RDX: variants seen among roughly 807,000 people sequenced by gnomAD.
RDX encodes the protein deafness, autosomal recessive 24.
In RDX, 32 loss-of-function variants were observed where a neutral mutation model predicts 83.7. The observed-to-expected ratio is 0.38, with a 90% CI of 0.29 to 0.51. The LOEUF is 0.51. RDX is among the 20% of genes least tolerant of loss of function. The probability of loss-of-function intolerance (pLI) is 0.87; values close to 1 mark genes in which losing one functional copy is unlikely to be tolerated. For missense variants in RDX, 600 were observed against 689.9 expected, an observed-to-expected ratio of 0.87 and a Z score of 1.46; for synonymous variants, 229 against 222.7, an observed-to-expected ratio of 1.03 and a Z score of -0.25.
intron 9 of RDX, 38 bp downstream of exon 9, chr11:110,253,908 T>A (rs771397616): frequency 4.2e-5 from 66 of 1,589,070 alleles, no homozygotes; most frequent in Non-Finnish European, 5.7e-5. Flanking sequence ...GATAGCCTAC[T>A]CCTATCAATT....
At chr11:110,209,091 T>C (rs567484097) in intron 14 of RDX, among the ~76,000 whole-genome samples, 3 of 152,210 alleles carry the variant, frequency 2.0e-5, no homozygotes, top group Admixed American at 2.0e-4. Context: ...TTCATCTCAC[T>C]AGGGAGTGCC....
chr11:110,289,021 T>A (rs920357384), intron 1 of RDX, among the ~76,000 whole-genome samples: 1 of 152,128 alleles, frequency 6.6e-6, no homozygotes, highest in Admixed American at 6.5e-5. Flanking sequence ...GCGGATCACC[T>A]GAGGTTGGGA....
chr11:110,177,235 G>T (rs1428085942), intron 15 of RDX, among the ~76,000 whole-genome samples: 2 of 152,376 alleles, frequency 1.3e-5, no homozygotes, highest in South Asian at 4.1e-4. Context: ...TGAGGCCTGA[G>T]GCCGCGACAG....
At chr11:110,294,742 G>C (rs116474942) in intron 1 of RDX, among the ~76,000 whole-genome samples, 418 of 151,780 alleles carry the variant, frequency 2.8e-3, no homozygotes, top group African/African-American at 9.8e-3. Context: ...CAAAAGGACA[G>C]ACTCAACGTA....
chr11:110,220,168 C>A (rs1393160114), intron 14 of RDX, among the ~76,000 whole-genome samples: 2 of 152,010 alleles, frequency 1.3e-5, no homozygotes, highest in Admixed American at 1.3e-4. Flanking sequence ...TAACTAGAAT[C>A]CTTAAAAGGT....
At chr11:110,177,199 C>T (rs1004950050) in intron 15 of RDX, among the ~76,000 whole-genome samples, 4 of 152,224 alleles carry the variant, frequency 2.6e-5, no homozygotes, top group Non-Finnish European at 4.4e-5. Flanking sequence ...GGGACAGGAA[C>T]GGTGAGACTC....
chr11:110,187,666 C>T (rs1342328749), intron 15 of RDX, among the ~76,000 whole-genome samples: 4 of 152,222 alleles, frequency 2.6e-5, no homozygotes, highest in Non-Finnish European at 4.4e-5. Flanking sequence ...ACCTCTTCCT[C>T]TGCACTGGTG....
At chr11:110,178,852 A>G (rs1408249619) in intron 15 of RDX, among the ~76,000 whole-genome samples, 1 of 152,120 alleles carries the variant, frequency 6.6e-6, no homozygotes, top group East Asian at 1.9e-4. Flanking sequence ...GATGACAGAC[A>G]TATCTGCTTT....
At chr11:110,183,166 G>A (rs1356158356) in intron 15 of RDX, among the ~76,000 whole-genome samples, 2 of 152,126 alleles carry the variant, frequency 1.3e-5, no homozygotes, top group Non-Finnish European at 2.9e-5. Flanking sequence ...AAATATGGTG[G>A]GTACAGGGTG....
chr11:110,272,738 C>A (rs578076910), intron 2 of RDX, 119 bp from the exon 3 acceptor site: 11 of 745,364 alleles, frequency 1.5e-5, no homozygotes, highest in African/African-American at 1.4e-4. Context: ...AATCTTAAAT[C>A]TATTTGAAAA....
At chr11:110,202,916 C>T (rs879052420) in intron 14 of RDX, among the ~76,000 whole-genome samples, 1 of 152,024 alleles carries the variant, frequency 6.6e-6, no homozygotes, top group Non-Finnish European at 1.5e-5. Flanking sequence ...GAAAAGGGAA[C>T]CTTTGTACAC....
At chr11:110,220,269 A>T (rs1864198731) in intron 14 of RDX, among the ~76,000 whole-genome samples, 1 of 152,218 alleles carries the variant, frequency 6.6e-6, no homozygotes, top group Non-Finnish European at 1.5e-5. Context: ...AAATGACAGA[A>T]GTTACTATTT....
rs1171207515 is a variant in RDX, at chr11:110,257,801, C to A, written c.664G>T (p.Ala222Ser). 6.2e-7 allele frequency: 1 copy of A among 1,612,062 alleles called. No homozygotes were observed. Among genetic ancestry groups the A allele is most frequent in the South Asian group, 1.1e-5 (1 of 91,000 alleles). The change falls in exon 7 of 14, where the codon GCT becomes TCT. Residue 222 changes from alanine (A) to serine (S), a missense_variant. By Grantham distance (99) the Ala-to-Ser change is moderately conservative. Transcript: ENST00000645495. Reference sequence around the variant, plus strand: ...TGCTCATAAATATTCAGACCCAAAGCATCAACACCTAGCCACAATTCAGTT... The same window carrying A: ...TGCTCATAAATATTCAGACCCAAAGAATCAACACCTAGCCACAATTCAGTT... ...KGTELWLGVD[A>S]LGLNIYEHDD...
chr11:110,263,214 A>C (rs1208296259), intron 5 of RDX: 1 of 151,788 alleles, frequency 6.6e-6, no homozygotes, highest in Non-Finnish European at 1.5e-5. Flanking sequence ...GGCAGACTCC[A>C]ATCTCAGCGA....
chr11:110,291,961 CA>C (rs904211968), intron 1 of RDX, among the ~76,000 whole-genome samples: 6 of 152,072 alleles, frequency 3.9e-5, no homozygotes, highest in African/African-American at 1.4e-4. Flanking sequence ...GCCTGGGCAA[CA>C]TAGGGATACC....
chr11:110,267,568 A>AG, intron 3 of RDX, among the ~76,000 whole-genome samples: 1 of 150,006 alleles, frequency 6.7e-6, no homozygotes, highest in South Asian at 2.1e-4. Context: ...ACACACACAA[A>AG]TAATCTTAAA....
At chr11:110,232,370 C>T (rs912472639) in intron 13 of RDX, among the ~76,000 whole-genome samples, 10 of 152,040 alleles carry the variant, frequency 6.6e-5, no homozygotes, top group African/African-American at 1.9e-4. Context: ...AAGCCTTCTC[C>T]AAAAGTCTTA....
At chr11:110,182,601 A>AAACAGCAACAAC (rs1555026511) in intron 15 of RDX, among the ~76,000 whole-genome samples, 4 of 152,012 alleles carry the variant, frequency 2.6e-5, no homozygotes, top group African/African-American at 7.3e-5. Context: ...CCCCTGTCTC[A>AAACAGCAACAAC]AACAACAACA....
intron 15 of RDX, chr11:110,185,014 C>T (rs368978037): frequency 6.6e-6 from 1 of 152,298 alleles, no homozygotes; most frequent in South Asian, 2.1e-4. Context: ...GGTTCCCTAA[C>T]CCGCAAATGT....
Sources: gnomAD v4.1 joint callset for allele counts (sites outside exome capture counted in the v4.1 genomes callset) on GRCh38, gnomAD v4.1.1 for gene constraint, MANE v1.5 for transcripts, NCBI Gene and HGNC (gene_info 2026-07-23, HGNC 2026-07-21) for gene names.